COL25A1: variants seen among roughly 807,000 people sequenced by gnomAD.
The protein encoded by COL25A1 is collagen alpha-1(XXV) chain.
In COL25A1, 103 loss-of-function variants were observed where a neutral mutation model predicts 128.4. The ratio of observed to expected loss-of-function variants is 0.80; its 90% CI spans 0.68 to 0.94. The LOEUF is 0.94. COL25A1 is among the 40% of genes least tolerant of loss of function. The pLI is 0.00. For missense variants in COL25A1, 745 were observed against 840.0 expected, an observed-to-expected ratio of 0.89 and a Z score of 1.40; for synonymous variants, 279 against 277.2, an observed-to-expected ratio of 1.01 and a Z score of -0.06.
intron 3 of COL25A1, among the ~76,000 whole-genome samples, chr4:109,116,451 C>T (rs1767567807): frequency 6.6e-6 from 1 of 151,968 alleles, no homozygotes; most frequent in Non-Finnish European, 1.5e-5. Context: ...ATAAGAAGCA[C>T]TGGTGAGGTT....
At chr4:108,823,913 G>T in intron 35 of COL25A1, 18 of 1,381,440 alleles carry the variant, frequency 1.3e-5, no homozygotes, top group Middle Eastern at 2.6e-4. Flanking sequence ...CCATAAATTG[G>T]TGTCAGGTGG....
chr4:109,216,049 A>G (rs922223185), intron 3 of COL25A1, among the ~76,000 whole-genome samples: 1 of 151,966 alleles, frequency 6.6e-6, no homozygotes, highest in African/African-American at 2.4e-5. Flanking sequence ...CTGCCCCCAT[A>G]TCTCTTGATC....
At chr4:109,218,780 C>T (rs1383992222) in intron 3 of COL25A1, among the ~76,000 whole-genome samples, 1 of 152,178 alleles carries the variant, frequency 6.6e-6, no homozygotes, top group East Asian at 1.9e-4. Context: ...TCTTCAGCTG[C>T]CATTCTCATG....
chr4:108,984,600 AGCCCCTCACT>A (rs1560973923), intron 6 of COL25A1, among the ~76,000 whole-genome samples: 1 of 152,202 alleles, frequency 6.6e-6, no homozygotes, highest in African/African-American at 2.4e-5. Flanking sequence ...CCAGGTGCTA[AGCCCCTCACT>A]GCCCGCGGCA....
At chr4:109,232,219 T>C (rs1391594247) in intron 3 of COL25A1, among the ~76,000 whole-genome samples, 2 of 152,204 alleles carry the variant, frequency 1.3e-5, no homozygotes, top group Non-Finnish European at 2.9e-5. Flanking sequence ...ATATCATAAT[T>C]CATGCTGACA....
intron 3 of COL25A1, among the ~76,000 whole-genome samples, chr4:109,145,383 C>T (rs543839587): frequency 6.6e-6 from 1 of 152,258 alleles, no homozygotes; most frequent in Admixed American, 6.5e-5. Context: ...CAGCTTTTAC[C>T]TAAATGATAT....
At chr4:109,258,445 T>C (rs1781221676) in intron 3 of COL25A1, among the ~76,000 whole-genome samples, 1 of 149,574 alleles carries the variant, frequency 6.7e-6, no homozygotes, top group Admixed American at 6.6e-5. Flanking sequence ...ATCTGTAAAA[T>C]GGGAATAAAT....
At chr4:108,875,507 A>G (rs1739339012) in intron 19 of COL25A1, among the ~76,000 whole-genome samples, 1 of 152,228 alleles carries the variant, frequency 6.6e-6, no homozygotes, top group African/African-American at 2.4e-5. Flanking sequence ...CAAAACCACA[A>G]TGAGATACCA....
intron 3 of COL25A1, among the ~76,000 whole-genome samples, chr4:109,191,679 A>G (rs1375925574): frequency 3.3e-5 from 5 of 152,258 alleles, no homozygotes; most frequent in Admixed American, 3.3e-4. Flanking sequence ...GATAGTGATA[A>G]GAACTGTGAG....
chr4:108,975,796 T>C (rs1430225539), intron 6 of COL25A1, among the ~76,000 whole-genome samples: 6 of 152,166 alleles, frequency 3.9e-5, no homozygotes, highest in Non-Finnish European at 7.4e-5. Context: ...TATTGACCAT[T>C]TTACATCCTT....
intron 3 of COL25A1, among the ~76,000 whole-genome samples, chr4:109,053,334 C>T (rs1403017803): frequency 6.6e-6 from 1 of 152,216 alleles, no homozygotes; most frequent in Non-Finnish European, 1.5e-5. Flanking sequence ...CAACTCCAGA[C>T]AGACCCCGTT....
intron 8 of COL25A1, among the ~76,000 whole-genome samples, chr4:108,948,356 G>C (rs543614839): frequency 2.6e-5 from 4 of 152,248 alleles, no homozygotes; most frequent in Non-Finnish European, 5.9e-5. Flanking sequence ...GTGGAAATCA[G>C]AAGTTATAAC....
rs77499896 is a variant in COL25A1, at chr4:109,266,434, A to T, written c.367+34149T>A. Among the ~76,000 whole-genome samples, 1,163 of 152,310 alleles carry T rather than the reference A, an allele frequency of 7.6e-3. 61 individuals carry two copies. In the South Asian group the frequency reaches 0.14, roughly 18 times the overall value. On this transcript the variant is annotated intron_variant, in intron 3 of 37. Coordinates refer to ENST00000399132, the MANE Select transcript of COL25A1 (RefSeq NM_198721.4). Reference sequence around the variant, plus strand: ...ATTTGAAGAAGGAATGCCAATATCAATCTCATGCCTTAAGCAGTGTAACAG... The same window carrying T: ...ATTTGAAGAAGGAATGCCAATATCATTCTCATGCCTTAAGCAGTGTAACAG...
intron 3 of COL25A1, among the ~76,000 whole-genome samples, chr4:109,069,166 C>G (rs548103874): frequency 6.7e-6 from 1 of 149,202 alleles, no homozygotes; most frequent in African/African-American, 2.5e-5. Context: ...CTCTTGCAGA[C>G]TTGCCAAAAA....
At chr4:109,276,046 T>A (rs952485803) in intron 3 of COL25A1, among the ~76,000 whole-genome samples, 1 of 152,206 alleles carries the variant, frequency 6.6e-6, no homozygotes, top group Non-Finnish European at 1.5e-5. Context: ...TATACTGCTG[T>A]CATAGAACTG....
In COL25A1 at chr4:109,065,545, C is replaced by T. The variant is rs868250627; in HGVS notation, c.368-15366G>A. Among the ~76,000 whole-genome samples, 360 of 141,180 alleles carry T rather than the reference C, an allele frequency of 2.5e-3. 1 individual carries two copies. Among genetic ancestry groups the T allele is most frequent in the East Asian group, 4.5e-3 (21 of 4,704 alleles). 92.6% of individuals were successfully genotyped at this position (141,180 alleles called of 152,430 possible). ...TTTTGGTGCAGCACGCGCGCGCGCG[C>T]GTGTGTGTGTGTGTGTGTGTGTGTG... On this transcript the variant is annotated intron_variant, in intron 3 of 37. Transcript: ENST00000399132.
intron 3 of COL25A1, among the ~76,000 whole-genome samples, chr4:109,053,673 A>T (rs1761181982): frequency 6.6e-6 from 1 of 152,220 alleles, no homozygotes; most frequent in African/African-American, 2.4e-5. Flanking sequence ...GTTTAAACGT[A>T]ATCTTTCTTG....
intron 3 of COL25A1, among the ~76,000 whole-genome samples, chr4:109,064,817 T>C (rs988938900): frequency 1.3e-5 from 2 of 152,206 alleles, no homozygotes; most frequent in Admixed American, 6.5e-5. Flanking sequence ...TGGTCTCTAG[T>C]ACCTACAAAA....
intron 8 of COL25A1, among the ~76,000 whole-genome samples, chr4:108,965,834 G>C (rs749309346): frequency 3.3e-5 from 5 of 152,130 alleles, no homozygotes; most frequent in Non-Finnish European, 5.9e-5. Flanking sequence ...TTTTTGCAAA[G>C]AGGGACTTAG....
Sources: allele counts gnomAD v4.1 joint callset (sites outside exome capture counted in the v4.1 genomes callset), GRCh38; gene constraint gnomAD v4.1.1; transcripts MANE v1.5; gene names NCBI Gene and HGNC (gene_info 2026-07-23, HGNC 2026-07-21).